Variants in SMARCAD1 observed in about 807,000 individuals in gnomAD.
SMARCAD1 encodes the protein SNF2 related chromatin remodeling ATPase with DExD box 1.
Under a neutral mutation model 127.1 loss-of-function variants are expected in SMARCAD1, and 25 were observed. The observed-to-expected ratio is 0.20, with a 90% CI of 0.14 to 0.27. The LOEUF is 0.27. Ranked by LOEUF, SMARCAD1 falls within the 10% of genes least tolerant of loss-of-function variation. SMARCAD1 has a pLI of 1.00. For missense variants in SMARCAD1, 807 were observed against 1,206.0 expected (o/e 0.67, Z 4.90); for synonymous variants, 400 against 396.9 (o/e 1.01, Z -0.09).
chr4:94,236,857 G>A, intron 4 of SMARCAD1, 95 bp from the exon 5 acceptor site: 1 of 980,462 alleles, frequency 1.0e-6, no homozygotes, highest in Non-Finnish European at 1.6e-6. Context: ...TTCCTGTCAT[G>A]TTTATATTTA....
At position 94,207,964 on chromosome 4, in the gene SMARCAD1, G is replaced by A. The variant is rs1450441525; in HGVS notation, c.-156G>A. On this transcript the variant is annotated 5_prime_UTR_variant, in exon 1 of 24. Transcript: ENST00000354268. ...AGTGTCGAGGCGCGGGCCCTGGCAG[G>A]TCCTTTCTCGAGGCAGGGGGCACGG... 2.8e-6 allele frequency: 1 copy of A among 363,524 alleles called. No individual in the cohort carries two copies. Among genetic ancestry groups the A allele is most frequent in the Non-Finnish European group, 5.4e-6 (1 of 185,318 alleles). 22.5% of individuals were successfully genotyped at this position (363,524 alleles called of 1,614,324 possible). A position where few individuals can be genotyped will look rare whatever the true frequency, so the allele number is the denominator to read the frequency against.
chr4:94,262,889 T>TA (rs368026206), intron 9 of SMARCAD1, among the ~76,000 whole-genome samples: 2,131 of 87,410 alleles, frequency 0.024, 15 homozygotes, highest in East Asian at 0.045. Flanking sequence ...TAATTTCTGT[T>TA]AAAAAAAAAA....
At chr4:94,253,139 C>CT in intron 9 of SMARCAD1, 132 bp downstream of exon 9, 6 of 1,539,958 alleles carry the variant, frequency 3.9e-6, no homozygotes, top group Non-Finnish European at 5.3e-6. Context: ...TCAAACATTA[C>CT]TTTCATTGTA....
intron 1 of SMARCAD1, 50 bp from the exon 2 acceptor site, chr4:94,208,296 C>T (rs1196182232): frequency 4.8e-6 from 6 of 1,247,160 alleles, no homozygotes; most frequent in Middle Eastern, 2.6e-4. Flanking sequence ...GGCATTGTAT[C>T]GTATATTGTT....
chr4:94,271,252 A>G (rs1205697593), intron 11 of SMARCAD1, among the ~76,000 whole-genome samples: 12 of 152,350 alleles, frequency 7.9e-5, no homozygotes, highest in South Asian at 2.1e-4. Flanking sequence ...TGTCCTTGTC[A>G]GTAAACAAAT....
At chr4:94,238,461 T>C (rs574166127) in intron 5 of SMARCAD1, among the ~76,000 whole-genome samples, 1 of 152,262 alleles carries the variant, frequency 6.6e-6, no homozygotes, top group South Asian at 2.1e-4. Flanking sequence ...ACTATTTGTT[T>C]AAGGGTCATC....
chr4:94,275,452 G>A (rs1753119220), intron 14 of SMARCAD1, among the ~76,000 whole-genome samples: 1 of 152,084 alleles, frequency 6.6e-6, no homozygotes, highest in Non-Finnish European at 1.5e-5. Flanking sequence ...TGTTACATTA[G>A]TTGATTTATT....
intron 23 of SMARCAD1, among the ~76,000 whole-genome samples, chr4:94,287,225 T>A (rs1464755354): frequency 6.6e-6 from 1 of 152,178 alleles, no homozygotes; most frequent in African/African-American, 2.4e-5. Flanking sequence ...TGTAATGGCG[T>A]CTCTTATTTA....
intron 10 of SMARCAD1, 40 bp downstream of exon 10, chr4:94,264,946 A>G (rs763101241): frequency 4.5e-6 from 7 of 1,543,400 alleles, no homozygotes; most frequent in South Asian, 1.1e-5. Context: ...TTTTATCTCA[A>G]TTATACAAAA....
intron 2 of SMARCAD1, among the ~76,000 whole-genome samples, chr4:94,221,493 T>C (rs1186840092): frequency 6.6e-6 from 1 of 152,122 alleles, no homozygotes; most frequent in African/African-American, 2.4e-5. Context: ...ACCCCTCCTT[T>C]CTCCAACTAC....
intron 9 of SMARCAD1, chr4:94,253,631 C>CTA: frequency 9.7e-7 from 1 of 1,033,082 alleles, no homozygotes; most frequent in South Asian, 3.5e-5. Flanking sequence ...TTCTGGAAGC[C>CTA]TATAATTCAA....
chr4:94,289,348 A>G, intron 23 of SMARCAD1, 125 bp from the exon 24 acceptor site: 1 of 799,836 alleles, frequency 1.3e-6, no homozygotes, highest in Non-Finnish European at 2.1e-6. Flanking sequence ...GGGGTGAGTG[A>G]CACTGAAGCA....
intron 14 of SMARCAD1, 85 bp downstream of exon 14, chr4:94,275,050 A>G (rs1413816007): frequency 1.1e-6 from 1 of 944,596 alleles, no homozygotes; most frequent in Non-Finnish European, 1.7e-6. Context: ...TATGTAGGAA[A>G]GTTTATGCTG....
chr4:94,277,317 C>G (rs1753444778), intron 16 of SMARCAD1, among the ~76,000 whole-genome samples, 158 bp downstream of exon 16: 1 of 152,138 alleles, frequency 6.6e-6, no homozygotes, highest in East Asian at 1.9e-4. Flanking sequence ...TGGAAACCAG[C>G]CAAAATATAA....
At chr4:94,248,502 G>A (rs1363411150) in intron 6 of SMARCAD1, 1 of 456,168 alleles carries the variant, frequency 2.2e-6, no homozygotes, top group South Asian at 1.5e-5. Flanking sequence ...TGTAAAGGTG[G>A]CAGTATGAAT....
chr4:94,267,978 G>A (rs1481031262), intron 10 of SMARCAD1, among the ~76,000 whole-genome samples: 1 of 152,034 alleles, frequency 6.6e-6, no homozygotes, highest in African/African-American at 2.4e-5. Flanking sequence ...ATAATAAATG[G>A]GTTCAGAGTC....
intron 9 of SMARCAD1, among the ~76,000 whole-genome samples, chr4:94,261,637 G>T (rs1751000544): frequency 6.6e-6 from 1 of 152,076 alleles, no homozygotes; most frequent in Non-Finnish European, 1.5e-5. Flanking sequence ...TTTTGAGACG[G>T]GGTCTCACTC....
chr4:94,210,265 A>C (rs1741989060), intron 2 of SMARCAD1, among the ~76,000 whole-genome samples: 2 of 152,212 alleles, frequency 1.3e-5, no homozygotes, highest in Non-Finnish European at 1.5e-5. Context: ...TAAGAAAACT[A>C]AGTTTGTTCT....
chr4:94,281,512 T>C lies in SMARCAD1; in HGVS notation c.2648T>C (p.Leu883Pro). ...VVLFSQFTMM[L>P]DILEVLLKHH... Reference sequence around the variant, plus strand: ...TTATTTAGCCAATTTACCATGATGCTGGATATCTTAGAGGTTCTATTAAAA... The same window carrying C: ...TTATTTAGCCAATTTACCATGATGCCGGATATCTTAGAGGTTCTATTAAAA... Residue 883 changes from leucine to proline, a missense_variant, in exon 21 of 24, where the codon CTG becomes CCG. Leu to Pro is a moderately conservative substitution (Grantham distance 98). Around this residue, in one of 8 missense-constraint regions of SMARCAD1, gnomAD observed 44 missense variants for 119.1 expected, o/e 0.37. Coordinates refer to ENST00000354268, the MANE Select transcript of SMARCAD1 (RefSeq NM_020159.5). The C allele has an allele frequency of 6.2e-7, 1 of 1,613,232 alleles. No individual in the cohort carries two copies. The highest frequency in any genetic ancestry group is 8.5e-7 in the Non-Finnish European group (1 of 1,179,344).
Sources: allele counts gnomAD v4.1 joint callset (sites outside exome capture counted in the v4.1 genomes callset), GRCh38; gene constraint gnomAD v4.1.1; regional missense constraint gnomAD v4.1.1; transcripts MANE v1.5; gene names NCBI Gene and HGNC (gene_info 2026-07-23, HGNC 2026-07-21).